MTAP: variants seen among roughly 807,000 people sequenced by gnomAD.
MTAP encodes the protein methylthioadenosine phosphorylase.
MTAP carries 33 observed loss-of-function variants against 33.6 expected under a neutral mutation model. The ratio of observed to expected loss-of-function variants is 0.98; its 90% CI spans 0.74 to 1.31. MTAP has a LOEUF of 1.31. Ranked by LOEUF, MTAP falls within the 40% of genes most tolerant of loss-of-function variation. The probability of loss-of-function intolerance (pLI) is 0.00; values close to 1 mark genes in which losing one functional copy is unlikely to be tolerated. For synonymous variants in MTAP, 148 were observed against 125.7 expected, an observed-to-expected ratio of 1.18 and a Z score of -1.19; for missense variants, 367 against 360.0, an observed-to-expected ratio of 1.02 and a Z score of -0.16.
At chr9:21,883,926 G>C (rs1818059851) in intron 1 of MTAP, among the ~76,000 whole-genome samples, 2 of 152,016 alleles carry the variant, frequency 1.3e-5, no homozygotes, top group Admixed American at 6.6e-5. Context: ...TGTTGTGAAG[G>C]TCATGTGGGA....
intron 5 of MTAP, among the ~76,000 whole-genome samples, chr9:21,846,754 CATT>C (rs1345867080): frequency 1.3e-5 from 2 of 152,174 alleles, no homozygotes; most frequent in Non-Finnish European, 2.9e-5. Context: ...GAAAATAAGT[CATT>C]ATATGAAAAA....
chr9:21,936,726 T>C (rs576148797), exon 8 of MTAP: 1 of 152,324 alleles, frequency 6.6e-6, no homozygotes, highest in African/African-American at 2.4e-5. Flanking sequence ...TCTTATTTCC[T>C]AGTTTTCACT....
chr9:21,919,250 T>C (rs982075377), intron 1 of MTAP, among the ~76,000 whole-genome samples: 2 of 152,150 alleles, frequency 1.3e-5, no homozygotes, highest in African/African-American at 4.8e-5. Flanking sequence ...TAACAAAAAA[T>C]GAAACCCATC....
intron 1 of MTAP, among the ~76,000 whole-genome samples, chr9:21,807,731 A>G (rs1010567699): frequency 2.0e-5 from 3 of 152,204 alleles, no homozygotes; most frequent in Admixed American, 6.5e-5. Flanking sequence ...GCAGAGTAAA[A>G]GGAGGAAATA....
chr9:21,858,251 C>T (rs571338017), intron 6 of MTAP, among the ~76,000 whole-genome samples: 1 of 152,344 alleles, frequency 6.6e-6, no homozygotes, highest in South Asian at 2.1e-4. Context: ...AGAACAGCCA[C>T]ATCTTTCTAG....
chr9:21,894,201 C>G (rs1403159651), intron 1 of MTAP, among the ~76,000 whole-genome samples: 5 of 129,098 alleles, frequency 3.9e-5, no homozygotes, highest in Admixed American at 8.7e-5. Flanking sequence ...AATTCAACAT[C>G]CTTTCATGTT....
chr9:21,821,195 C>T (rs1440324406), intron 4 of MTAP, among the ~76,000 whole-genome samples: 1 of 152,208 alleles, frequency 6.6e-6, no homozygotes, highest in African/African-American at 2.4e-5. Context: ...GCATCCCTGT[C>T]TTGTGCCAGT....
chr9:21,870,775 T>C (rs1321991778), downstream of MTAP, among the ~76,000 whole-genome samples: 14 of 149,644 alleles, frequency 9.4e-5, no homozygotes, highest in African/African-American at 3.2e-4. Flanking sequence ...TTAAATTTTT[T>C]TTTCTTTTTT....
chr9:21,802,873 C>G (rs1322106740), intron 1 of MTAP, 92 bp downstream of exon 1: 1 of 1,540,846 alleles, frequency 6.5e-7, no homozygotes, highest in Admixed American at 2.0e-5. Flanking sequence ...GGCCATGCGC[C>G]CGGCCCGTGC....
chr9:21,864,927 T>A lies in MTAP; in HGVS notation c.*2913T>A. 1 of 985,462 alleles carries A rather than the reference T, an allele frequency of 1.0e-6. No individual in the cohort carries two copies. The highest frequency in any genetic ancestry group is 1.2e-6 in the Non-Finnish European group (1 of 829,934). The allele number at this position is 985,462 out of a possible 1,614,324, so 61.0% of individuals were successfully genotyped here. On this transcript the variant is annotated 3_prime_UTR_variant, in exon 8 of 8. Transcript: ENST00000644715. ...AAATAATTATTCATTCTTGTGACAG[T>A]GGCCTGAACATGTTTTTAATTTTCT...
intron 1 of MTAP, among the ~76,000 whole-genome samples, chr9:21,895,565 G>A (rs928867499): frequency 6.6e-6 from 1 of 152,154 alleles, no homozygotes; most frequent in African/African-American, 2.4e-5. Context: ...CCTAGCAAGG[G>A]GAAGTTGTGA....
chr9:21,833,302 C>T (rs1438301808), intron 4 of MTAP, among the ~76,000 whole-genome samples: 5 of 152,140 alleles, frequency 3.3e-5, no homozygotes, highest in African/African-American at 9.7e-5. Context: ...GCCACCTCAG[C>T]CCCCCAAGTA....
chr9:21,939,594 TATCTCATGCCTGTA>T (rs767298137), downstream of MTAP, among the ~76,000 whole-genome samples: 27 of 152,336 alleles, frequency 1.8e-4, no homozygotes, highest in Middle Eastern at 3.4e-3. Flanking sequence ...CTGGGCGCAG[TATCTCATGCCTGTA>T]ATCCCAGCAC....
intron 6 of MTAP, among the ~76,000 whole-genome samples, chr9:21,857,000 T>C (rs546282200): frequency 2.3e-4 from 35 of 152,270 alleles, no homozygotes; most frequent in Admixed American, 3.3e-4. Flanking sequence ...AAATGAGATA[T>C]GTAAAAAAGC....
At chr9:21,892,806 A>G (rs928815867) in intron 1 of MTAP, 1 of 152,210 alleles carries the variant, frequency 6.6e-6, no homozygotes, top group South Asian at 2.1e-4. Context: ...CACTCCACCC[A>G]ACAACAACAG....
At chr9:21,840,694 G>A (rs1405995301) in intron 5 of MTAP, among the ~76,000 whole-genome samples, 4 of 152,210 alleles carry the variant, frequency 2.6e-5, no homozygotes, top group African/African-American at 4.8e-5. Flanking sequence ...ATGGCAGGGC[G>A]AAGGAAGCTC....
chr9:21,859,344 T>C lies in MTAP; in HGVS notation c.732T>C (p.Ala244=), dbSNP rs757308325. The part of the protein sequence containing the change: ...DRVLKTLKEN[A]NKAKSLLLTT... The stretch of plus-strand genomic sequence containing the variant: ...TCTTAAAGACCCTGAAAGAAAACGC[T>C]AATAAAGCCAAAAGCTTACTGCTCA... The change falls in exon 7 of 8, where the codon GCT becomes GCC. Residue 244 remains alanine, a synonymous_variant. Coordinates refer to ENST00000644715, the MANE Select transcript of MTAP (RefSeq NM_002451.4). 2 of 1,613,664 alleles carry C rather than the reference T, an allele frequency of 1.2e-6. No homozygotes were observed. Among genetic ancestry groups the C allele is most frequent in the Admixed American group, 1.7e-5 (1 of 59,962 alleles).
rs1825844321 is a variant in MTAP, at chr9:21,865,807, G to A, written c.*3793G>A. The A allele has an allele frequency of 9.9e-7, 1 of 1,012,210 alleles. No homozygotes were observed. The highest frequency in any genetic ancestry group is 5.2e-5 in the Admixed American group (1 of 19,242). The allele number at this position is 1,012,210 out of a possible 1,614,324, so 62.7% of individuals were successfully genotyped here. ...GCATGCATTATTTCTTTGTTTTGAA[G>A]ATTCACTCATGTTGCATGCATCTGT... On this transcript the variant is annotated 3_prime_UTR_variant, in exon 8 of 8. Transcript: ENST00000644715.
At chr9:21,897,080 G>A (rs984820289) in intron 1 of MTAP, among the ~76,000 whole-genome samples, 1 of 152,124 alleles carries the variant, frequency 6.6e-6, no homozygotes, top group Admixed American at 6.5e-5. Context: ...TTCAACATAT[G>A]CAAATCAATA....
Sources: gnomAD v4.1 joint callset for allele counts (sites outside exome capture counted in the v4.1 genomes callset) on GRCh38, gnomAD v4.1.1 for gene constraint, MANE v1.5 for transcripts, NCBI Gene and HGNC (gene_info 2026-07-23, HGNC 2026-07-21) for gene names.